ST14: variants seen among roughly 807,000 people sequenced by gnomAD.
The protein encoded by ST14 is ST14 transmembrane serine protease matriptase.
In ST14, 40 loss-of-function variants were observed where a neutral mutation model predicts 96.5. The ratio of observed to expected loss-of-function variants is 0.41; its 90% confidence interval spans 0.32 to 0.54. ST14 has a LOEUF of 0.54. ST14 is among the 20% of genes least tolerant of loss of function. The probability of loss-of-function intolerance (pLI) is 0.17; values close to 1 mark genes in which losing one functional copy is unlikely to be tolerated. For synonymous variants in ST14, 506 were observed against 492.1 expected (o/e 1.03, Z -0.37); for missense variants, 1,066 against 1,188.9 (o/e 0.90, Z 1.52).
intron 1 of ST14, among the ~76,000 whole-genome samples, chr11:130,177,838 G>A (rs1390136706): frequency 6.6e-6 from 1 of 152,246 alleles, no homozygotes; most frequent in African/African-American, 2.4e-5. Flanking sequence ...TTTTAGTGGA[G>A]GCTTTCGCCT....
chr11:130,194,559 C>A lies in ST14; in HGVS notation c.1016-81C>A, dbSNP rs539218816. ...CACGCGTCCAGGAGGCAGCTCCAGG[C>A]CTCAGGCTGCAGAGCCCTCGTCCGC... is the stretch of plus-strand genomic sequence containing the variant. On this transcript the variant is annotated intron_variant, in intron 8 of 18. Transcript: ENST00000278742. The A allele has an allele frequency of 5.6e-6, 8 of 1,432,762 alleles. No individual in the cohort carries two copies. The African/African-American group carries it at 9.8e-5, about 18-fold the overall frequency. The allele number at this position is 1,432,762 out of a possible 1,614,324, so 88.8% of individuals were successfully genotyped here. A position where few individuals can be genotyped will look rare whatever the true frequency, so the allele number is the denominator to read the frequency against.
At chr11:130,189,936 C>G (rs1313662898) in intron 5 of ST14, 40 bp downstream of exon 5, 1 of 1,613,426 alleles carries the variant, frequency 6.2e-7, no homozygotes, top group East Asian at 2.2e-5. Flanking sequence ...GACTGGCCAG[C>G]CTTCCATGGA....
chr11:130,193,250 G>C (rs1312957147), intron 7 of ST14, among the ~76,000 whole-genome samples: 2 of 152,042 alleles, frequency 1.3e-5, no homozygotes, highest in African/African-American at 4.8e-5. Flanking sequence ...ACCATGCCCA[G>C]CTAGTTTTTT....
chr11:130,198,634 C>G lies in ST14; in HGVS notation c.1684+13C>G. The G allele has an allele frequency of 6.2e-7, 1 of 1,603,522 alleles. No individual in the cohort carries two copies. The highest frequency in any genetic ancestry group is 1.1e-5 in the South Asian group (1 of 90,772). ...TCCTGCCCCAAGGGTGAGGCCCGCC[C>G]CACCCATCTTCCTGTTGGGGGCCTC... is the stretch of plus-strand genomic sequence containing the variant. On this transcript the variant is annotated intron_variant, in intron 14 of 18. Coordinates refer to ENST00000278742, the MANE Select transcript of ST14 (RefSeq NM_021978.4).
chr11:130,198,898 G>A (rs765837769), intron 14 of ST14, 49 bp from the exon 15 acceptor site: 37 of 1,612,330 alleles, frequency 2.3e-5, no homozygotes, highest in Middle Eastern at 1.7e-4. Flanking sequence ...GCTTCTGGTC[G>A]GATGCTGCAG....
At position 130,200,065 on chromosome 11, in the gene ST14, G is replaced by A. The variant is rs758286243; in HGVS notation, c.1922G>A (p.Cys641Tyr). ...CATGCTCTGGGCCAGGGCCACATCT[G>A]CGGTGCTTCCCTCATCTCTCCCAAC... ...SLHALGQGHI[C>Y]GASLISPNWL... Residue 641 changes from cysteine to tyrosine, a missense_variant, in exon 16 of 19, where the codon TGC becomes TAC. Transcript: ENST00000278742. The A allele has an allele frequency of 1.2e-6, 2 of 1,614,248 alleles. No homozygotes were observed. The highest frequency in any genetic ancestry group is 3.3e-5 in the Admixed American group (2 of 60,030).
chr11:130,169,569 C>T lies in ST14; in HGVS notation c.81+9509C>T, dbSNP rs546596593. Among the ~76,000 whole-genome samples, 18 of 152,166 alleles carry T rather than the reference C, an allele frequency of 1.2e-4. No individual in the cohort carries two copies. In the South Asian group the frequency reaches 2.1e-3, roughly 18 times the overall value. ...CTGTGATGCCAGAGACAGGGGACTA[C>T]GCTAGCGATGACATAGATGGAACTT... On this transcript the variant is annotated intron_variant, in intron 1 of 18. Coordinates refer to ENST00000278742, the MANE Select transcript of ST14 (RefSeq NM_021978.4).
chr11:130,209,508 T>A lies in ST14; in HGVS notation c.2336T>A (p.Leu779His). 3 of 1,584,148 alleles carry A rather than the reference T, an allele frequency of 1.9e-6. No homozygotes were observed. The highest frequency in any genetic ancestry group is 1.7e-6 in the Non-Finnish European group (2 of 1,165,258). The stretch of plus-strand genomic sequence containing the variant: ...ATCAACCAGACCACCTGCGAGAACC[T>A]CCTGCCGCAGCAGATCACGCCGCGC... ...RVINQTTCEN[L>H]LPQQITPRMM... Residue 779 changes from leucine (L) to histidine (H), a missense_variant, in exon 18 of 19, where the codon CTC becomes CAC. Transcript: ENST00000278742.
intron 16 of ST14, among the ~76,000 whole-genome samples, chr11:130,203,715 C>T (rs1325362944): frequency 1.3e-5 from 2 of 152,128 alleles, no homozygotes; most frequent in Admixed American, 6.5e-5. Context: ...TGCAATGGCG[C>T]GATCTCAGCT....
At position 130,208,465 on chromosome 11, in the gene ST14, C is replaced by A; in HGVS notation, c.2050C>A (p.Arg684Ser). The A allele has an allele frequency of 6.2e-7, 1 of 1,614,190 alleles. No homozygotes were observed. Among genetic ancestry groups the A allele is most frequent in the Non-Finnish European group, 8.5e-7 (1 of 1,180,032 alleles). ...AFLGLHDQSQ[R>S]SAPGVQERRL... ...CCTGGGCTTGCACGACCAGAGCCAGCGCAGCGCCCCTGGGGTGCAGGAGCG... is the reference window on the plus strand; with the variant it reads ...CCTGGGCTTGCACGACCAGAGCCAGAGCAGCGCCCCTGGGGTGCAGGAGCG... The change falls in exon 17 of 19, where the codon CGC becomes AGC. Residue 684 changes from arginine (R) to serine (S), a missense_variant. Transcript: ENST00000278742.
Position 130,198,377 on chromosome 11 carries a change from G to A in ST14, c.1529G>A (p.Ser510Asn). Residue 510 changes from serine (S) to asparagine (N), a missense_variant, in exon 13 of 19, where the codon AGT becomes AAT. Transcript: ENST00000278742. Reference sequence around the variant, plus strand: ...AAGCCCCTCTTCTGGGTCTGCGACAGTGTGAACGACTGCGGAGACAACAGC... The same window carrying A: ...AAGCCCCTCTTCTGGGTCTGCGACAATGTGAACGACTGCGGAGACAACAGC... ...FCKPLFWVCD[S>N]VNDCGDNSDE... 6.2e-7 allele frequency: 1 copy of A among 1,614,220 alleles called. No homozygotes were observed. Among genetic ancestry groups the A allele is most frequent in the South Asian group, 1.1e-5 (1 of 91,090 alleles).
At chr11:130,198,069 C>T (rs1294806171) in intron 12 of ST14, 124 bp downstream of exon 12, 5 of 1,066,426 alleles carry the variant, frequency 4.7e-6, no homozygotes, top group African/African-American at 3.1e-5. Context: ...TGCTCTCGGC[C>T]CTGTGTAGAG....
intron 12 of ST14, 77 bp from the exon 13 acceptor site, chr11:130,198,231 C>T (rs1410792083): frequency 7.3e-7 from 1 of 1,379,250 alleles, no homozygotes; most frequent in Non-Finnish European, 1.0e-6. Context: ...CCCCAGGTAG[C>T]TCTGATCGCC....
chr11:130,185,181 AACAAAT>A (rs1385389525), intron 1 of ST14, among the ~76,000 whole-genome samples: 2 of 152,256 alleles, frequency 1.3e-5, no homozygotes, highest in Non-Finnish European at 2.9e-5. Flanking sequence ...GCATTCATGG[AACAAAT>A]ACAAGATGCC....
intron 1 of ST14, among the ~76,000 whole-genome samples, chr11:130,166,070 G>A (rs1186032065): frequency 5.3e-5 from 8 of 152,222 alleles, no homozygotes. Flanking sequence ...AGCTTGTCTG[G>A]TTTCCCCTTT....
intron 9 of ST14, 115 bp downstream of exon 9, chr11:130,194,852 A>ATATG (rs1491142579): frequency 2.2e-5 from 17 of 783,578 alleles, no homozygotes; most frequent in Middle Eastern, 2.8e-4. Flanking sequence ...ATATGTGTGC[A>ATATG]TGTGTGTGTG....
In ST14 at chr11:130,194,092, G is replaced by A. The variant is rs957651001; in HGVS notation, c.876-57G>A. The A allele has an allele frequency of 4.3e-6, 7 of 1,613,224 alleles. No individual in the cohort carries two copies. The African/African-American group carries it at 9.3e-5, about 22-fold the overall frequency. The stretch of plus-strand genomic sequence containing the variant: ...CTCTGCCTGAGAGCCTGGTTTGGGT[G>A]TGTGAGAAGCTTGGGTTCTGTCTGC... On this transcript the variant is annotated intron_variant, in intron 7 of 18. Transcript: ENST00000278742.
intron 4 of ST14, chr11:130,189,278 T>C (rs1294998404): frequency 4.1e-6 from 2 of 490,040 alleles, no homozygotes; most frequent in African/African-American, 3.9e-5. Flanking sequence ...CCCCACATTT[T>C]CTGTGCTTGA....
rs1448259656 is a variant in ST14 at position 130,190,614 on chromosome 11, T to G, written c.795T>G (p.Leu265=). 1.9e-6 allele frequency: 3 copies of G among 1,612,796 alleles called. No individual in the cohort carries two copies. Among genetic ancestry groups the G allele is most frequent in the African/African-American group, 1.3e-5 (1 of 74,942 alleles). ...VLSLTFRSFD[L]ASCDERGSDL... is the part of the protein sequence containing the mutation. ...GCCTCACCTTCCGCAGCTTTGACCT[T>G]GCGTCCTGCGACGAGCGCGGCAGCG... Residue 265 remains leucine, a synonymous_variant, in exon 7 of 19, where the codon CTT becomes CTG. Coordinates refer to ENST00000278742, the MANE Select transcript of ST14 (RefSeq NM_021978.4).
Sources: gnomAD v4.1 joint callset for allele counts (sites outside exome capture counted in the v4.1 genomes callset) on GRCh38, gnomAD v4.1.1 for gene constraint, MANE v1.5 for transcripts, NCBI Gene and HGNC (gene_info 2026-07-23, HGNC 2026-07-21) for gene names.